The following ZEB1 variants were observed in gnomAD, a reference collection of about 807,000 sequenced individuals.
The protein encoded by ZEB1 is zinc finger E-box-binding homeobox 1.
Under a neutral mutation model 84.9 loss-of-function variants are expected in ZEB1, and 21 were observed. That is an observed-to-expected ratio of 0.25 (90% CI 0.18 to 0.36). The LOEUF (loss-of-function observed/expected upper bound fraction) is 0.36, where lower values mean the gene tolerates loss of function less well. ZEB1 is among the 10% of genes least tolerant of loss of function. The pLI, the probability that ZEB1 is intolerant of heterozygous loss-of-function variation, is 1.00. For missense variants in ZEB1, 1,104 were observed against 1,330.2 expected (o/e 0.83, Z 2.65); for synonymous variants, 420 against 471.1 (o/e 0.89, Z 1.41).
At chr10:31,321,332 A>T in intron 1 of ZEB1, 1 of 1,439,174 alleles carries the variant, frequency 6.9e-7, no homozygotes, top group Non-Finnish European at 9.1e-7. Context: ...GATTTTAATT[A>T]TTCAAATAAA....
At chr10:31,509,232 AT>A (rs1480163804) in intron 4 of ZEB1, among the ~76,000 whole-genome samples, 1 of 152,072 alleles carries the variant, frequency 6.6e-6, no homozygotes, top group African/African-American at 2.4e-5. Context: ...CCGGAGCAGC[AT>A]TGTCATGTGG....
intron 2 of ZEB1, among the ~76,000 whole-genome samples, chr10:31,474,879 C>G (rs1316757087): frequency 2.6e-5 from 4 of 151,918 alleles, no homozygotes; most frequent in Non-Finnish European, 5.9e-5. Flanking sequence ...TACTATGCAG[C>G]CATAAAAAAG....
At chr10:31,385,687 C>G (rs1236140590) in intron 1 of ZEB1, among the ~76,000 whole-genome samples, 2 of 152,008 alleles carry the variant, frequency 1.3e-5, no homozygotes, top group Admixed American at 1.3e-4. Context: ...GCCACCACAT[C>G]CAACTAATTT....
At chr10:31,495,955 C>A in intron 3 of ZEB1, 117 bp downstream of exon 3, 1 of 1,114,088 alleles carries the variant, frequency 9.0e-7, no homozygotes, top group East Asian at 2.4e-5. Context: ...ATCTTACCTT[C>A]CTTAAATGTT....
chr10:31,442,619 TAGG>T (rs1412189165), intron 1 of ZEB1, among the ~76,000 whole-genome samples: 3 of 151,744 alleles, frequency 2.0e-5, no homozygotes, highest in East Asian at 1.9e-4. Context: ...TTGGGATTCA[TAGG>T]AGAAGTCACC....
At chr10:31,355,001 A>G (rs1168781462) in intron 1 of ZEB1, 3 of 152,192 alleles carry the variant, frequency 2.0e-5, no homozygotes, top group Non-Finnish European at 4.4e-5. Context: ...ACAAAGCATT[A>G]TAGTATTTTG....
intron 1 of ZEB1, among the ~76,000 whole-genome samples, chr10:31,330,544 AT>A (rs1187630428): frequency 2.0e-5 from 3 of 152,092 alleles, no homozygotes; most frequent in Non-Finnish European, 4.4e-5. Flanking sequence ...ATACCAATTC[AT>A]TTTCATGTTC....
Position 31,524,085 on chromosome 10 carries a change from A to G in ZEB1, c.2757A>G (p.Ser919=), listed in dbSNP as rs2072919823. Residue 919 remains serine, a synonymous_variant, in exon 8 of 9, where the codon TCA becomes TCG. Coordinates refer to ENST00000424869, the MANE Select transcript of ZEB1 (RefSeq NM_001174096.2). The part of the protein sequence containing the change: ...LCDKIFQKSS[S]LLRHKYEHTG... Reference sequence around the variant, plus strand: ...ACAAGATATTCCAAAAGAGTAGTTCATTATTGAGACATAAATATGAACACA... The same window carrying G: ...ACAAGATATTCCAAAAGAGTAGTTCGTTATTGAGACATAAATATGAACACA... 2 of 1,613,894 alleles carry G rather than the reference A, an allele frequency of 1.2e-6. No homozygotes were observed. Among genetic ancestry groups the G allele is most frequent in the African/African-American group, 2.7e-5 (2 of 74,938 alleles).
intron 1 of ZEB1, among the ~76,000 whole-genome samples, chr10:31,354,979 C>T (rs1367874798): frequency 2.6e-5 from 4 of 152,050 alleles, no homozygotes; most frequent in Admixed American, 1.3e-4. Flanking sequence ...CAATAATACA[C>T]GTGGGTGTAA....
chr10:31,355,700 A>T (rs529571983), intron 1 of ZEB1, among the ~76,000 whole-genome samples: 1 of 152,180 alleles, frequency 6.6e-6, no homozygotes, highest in Non-Finnish European at 1.5e-5. Flanking sequence ...CAGGCAACAG[A>T]AATAGCATCT....
intron 1 of ZEB1, among the ~76,000 whole-genome samples, chr10:31,323,151 T>A (rs1425033110): frequency 6.6e-6 from 1 of 152,166 alleles, no homozygotes; most frequent in Non-Finnish European, 1.5e-5. Flanking sequence ...GTTGTATTAC[T>A]CCTTATTTTA....
intron 5 of ZEB1, 106 bp downstream of exon 5, chr10:31,510,981 A>C (rs2069880578): frequency 9.5e-7 from 1 of 1,050,164 alleles, no homozygotes. Flanking sequence ...GAATGTACTA[A>C]ACAGTGCTAT....
intron 1 of ZEB1, among the ~76,000 whole-genome samples, chr10:31,407,364 C>T (rs567679292): frequency 1.1e-4 from 16 of 150,510 alleles, no homozygotes; most frequent in East Asian, 4.0e-4. Flanking sequence ...TTTGTTATTG[C>T]GATAGTTTAC....
rs145458133 is a variant in ZEB1, at chr10:31,497,924, A to AATAGATAGATAGATAG, written c.322+2121_322+2136dup. On this transcript the variant is annotated intron_variant, in intron 3 of 8. Coordinates refer to ENST00000424869, the MANE Select transcript of ZEB1 (RefSeq NM_001174096.2). ...GAGGATACTTTATTCAGGATGGAAA[A>AATAGATAGATAGATAG]ATAGATAGATAGATAGATAGATAGA... 6.6e-3 allele frequency among the ~76,000 whole-genome samples: 955 copies of AATAGATAGATAGATAG among 145,474 alleles called. 4 individuals are homozygous for AATAGATAGATAGATAG. The highest frequency in any genetic ancestry group is 9.0e-3 in the East Asian group (44 of 4,872).
chr10:31,407,360 A>C (rs924540775), intron 1 of ZEB1, among the ~76,000 whole-genome samples: 15 of 148,522 alleles, frequency 1.0e-4, no homozygotes, highest in South Asian at 2.1e-4. Context: ...GTTTTTTGTT[A>C]TTGCGATAGT....
chr10:31,373,298 T>G, intron 1 of ZEB1: 1 of 876,026 alleles, frequency 1.1e-6, no homozygotes. Context: ...TGTTTGAATT[T>G]TATATGTCTG....
intron 2 of ZEB1, among the ~76,000 whole-genome samples, chr10:31,491,410 T>A (rs1163083468): frequency 6.6e-6 from 1 of 151,862 alleles, no homozygotes; most frequent in East Asian, 1.9e-4. Context: ...TGCAAGAGAA[T>A]GAAGGAGAAA....
chr10:31,381,474 G>T (rs1315756501), intron 1 of ZEB1, among the ~76,000 whole-genome samples: 1 of 152,130 alleles, frequency 6.6e-6, no homozygotes, highest in Non-Finnish European at 1.5e-5. Context: ...TAAAAGCAGA[G>T]AAACTGTTTC....
intron 2 of ZEB1, among the ~76,000 whole-genome samples, chr10:31,469,485 G>A (rs1356870783): frequency 2.0e-5 from 3 of 151,994 alleles, no homozygotes; most frequent in South Asian, 2.1e-4. Flanking sequence ...ACTCCCACCC[G>A]AATATTGCGC....
Sources: gnomAD v4.1 joint callset for allele counts (sites outside exome capture counted in the v4.1 genomes callset) on GRCh38, gnomAD v4.1.1 for gene constraint, MANE v1.5 for transcripts, NCBI Gene and HGNC (gene_info 2026-07-23, HGNC 2026-07-21) for gene names.